Variants in BBX observed in about 807,000 individuals in gnomAD.
The protein encoded by BBX is BBX high mobility group box domain containing.
BBX carries 30 observed loss-of-function variants against 100.2 expected under a neutral mutation model. The observed-to-expected ratio is 0.30, with a 90% CI of 0.22 to 0.41. BBX has a LOEUF of 0.41. Among genes scored for constraint, BBX ranks in the 10% least tolerant of loss-of-function variants. The pLI, the probability that BBX is intolerant of heterozygous loss-of-function variation, is 1.00. For synonymous variants in BBX, 376 were observed against 388.1 expected (o/e 0.97, Z 0.37); for missense variants, 1,023 against 1,129.8 (o/e 0.91, Z 1.35).
intron 2 of BBX, among the ~76,000 whole-genome samples, chr3:107,567,651 C>T (rs573596351): frequency 6.3e-4 from 96 of 152,132 alleles, no homozygotes; most frequent in African/African-American, 2.2e-3. Context: ...GTATCTTTTA[C>T]GGATATGGAC....
intron 3 of BBX, among the ~76,000 whole-genome samples, chr3:107,682,546 A>G (rs2059622587): frequency 6.6e-6 from 1 of 152,168 alleles, no homozygotes; most frequent in Admixed American, 6.6e-5. Context: ...GAAATGAGAT[A>G]AAACAGTATT....
chr3:107,775,543 A>C (rs565381554), intron 12 of BBX, among the ~76,000 whole-genome samples: 1 of 152,194 alleles, frequency 6.6e-6, no homozygotes, highest in Non-Finnish European at 1.5e-5. Flanking sequence ...CTGCATATTC[A>C]GTTAGACTAT....
Position 107,791,101 on chromosome 3 carries a change from TTAAG to T in BBX, c.2294-135_2294-132del, listed in dbSNP as rs2068972445. The T allele has an allele frequency of 2.3e-5, 14 of 608,172 alleles. No individual in the cohort carries two copies. In the South Asian group the frequency reaches 3.5e-4, roughly 15 times the overall value. The allele number at this position is 608,172 out of a possible 1,614,324, so 37.7% of individuals were successfully genotyped here. A position where few individuals can be genotyped will look rare whatever the true frequency, so the allele number is the denominator to read the frequency against. On this transcript the variant is annotated intron_variant, in intron 14 of 17. Transcript: ENST00000325805. The stretch of plus-strand genomic sequence containing the variant: ...TAGTTGGCAAATACCATTTTAAGAA[TTAAG>T]TAATTGACATAAAATTCAGCTTTAT...
At chr3:107,801,363 G>C in intron 17 of BBX, 82 bp downstream of exon 17, 1 of 1,462,566 alleles carries the variant, frequency 6.8e-7, no homozygotes, top group African/African-American at 1.4e-5. Context: ...TTTTTTACAG[G>C]GCATTGGGGT....
intron 2 of BBX, 50 bp downstream of exon 2, chr3:107,526,448 G>T: frequency 2.5e-6 from 1 of 398,298 alleles, no homozygotes; most frequent in South Asian, 1.3e-4. Context: ...AATTAGTAAT[G>T]ACATAAGGGT....
At chr3:107,562,493 CATTTT>C (rs1292074068) in intron 2 of BBX, among the ~76,000 whole-genome samples, 1 of 151,860 alleles carries the variant, frequency 6.6e-6, no homozygotes, top group African/African-American at 2.4e-5. Flanking sequence ...TGGAATATCT[CATTTT>C]ATGTAGTAAT....
At chr3:107,701,815 T>TAA (rs60516191) in intron 3 of BBX, among the ~76,000 whole-genome samples, 36,876 of 148,258 alleles carry the variant, frequency 0.25, 5,354 homozygotes, top group South Asian at 0.36. Context: ...TTCTCATCTG[T>TAA]AAAAAAAAAA....
In BBX at chr3:107,781,626, T is replaced by C. The variant is rs1289618141; in HGVS notation, c.2203+3107T>C. Among the ~76,000 whole-genome samples, 3 of 152,252 alleles carry C rather than the reference T, an allele frequency of 2.0e-5. No individual in the cohort carries two copies. The East Asian group carries it at 5.8e-4, about 29-fold the overall frequency. ...GTACTGATAATGTATGAAGCATTGT[T>C]TACGAAAGTATTAGAAGTCAGTTCT... On this transcript the variant is annotated intron_variant, in intron 13 of 17. Transcript: ENST00000325805.
At chr3:107,779,669 A>G (rs1481306541) in intron 13 of BBX, among the ~76,000 whole-genome samples, 1 of 152,288 alleles carries the variant, frequency 6.6e-6, no homozygotes, top group South Asian at 2.1e-4. Flanking sequence ...TCAGATATAA[A>G]TATTAACAAA....
At chr3:107,675,529 C>T (rs1170484632) in intron 3 of BBX, among the ~76,000 whole-genome samples, 2 of 152,134 alleles carry the variant, frequency 1.3e-5, no homozygotes, top group African/African-American at 2.4e-5. Context: ...TGCTTTGCCC[C>T]TCTCTTCTCA....
In BBX at chr3:107,584,104, T is replaced by TAA. The variant is rs2052573174; in HGVS notation, c.-84+57706_-84+57707insAA. Among the ~76,000 whole-genome samples the TAA allele has an allele frequency of 5.8e-4, 6 of 10,368 alleles. 1 individual carries two copies. The South Asian group carries it at 6.5e-3, about 11-fold the overall frequency. The allele number at this position is 10,368 out of a possible 152,430, so 6.8% of individuals were successfully genotyped here. A position where few individuals can be genotyped will look rare whatever the true frequency, so the allele number is the denominator to read the frequency against. ...TTATATATATCATATATTATATATA[T>TAA]TATATATTATATATAATATATATAT... On this transcript the variant is annotated intron_variant, in intron 2 of 17. Transcript: ENST00000325805.
intron 2 of BBX, among the ~76,000 whole-genome samples, chr3:107,552,820 A>T (rs993730990): frequency 1.3e-5 from 2 of 152,194 alleles, no homozygotes; most frequent in African/African-American, 4.8e-5. Context: ...GCACAGATAT[A>T]TTTCAGCTAG....
chr3:107,655,748 T>A (rs1378283586), intron 3 of BBX, among the ~76,000 whole-genome samples: 1 of 151,688 alleles, frequency 6.6e-6, no homozygotes, highest in African/African-American at 2.4e-5. Flanking sequence ...TCCCCCAGGC[T>A]GGAATGCAGT....
chr3:107,800,183 G>A (rs1559796248), intron 16 of BBX, among the ~76,000 whole-genome samples: 1 of 152,210 alleles, frequency 6.6e-6, no homozygotes. Flanking sequence ...TACAATAGAA[G>A]TAGAATGAGG....
chr3:107,672,419 G>A (rs575951073), intron 3 of BBX, among the ~76,000 whole-genome samples: 10 of 152,080 alleles, frequency 6.6e-5, no homozygotes, highest in South Asian at 6.2e-4. Flanking sequence ...TCAAGCATAA[G>A]TTGAGTATGG....
intron 14 of BBX, 45 bp downstream of exon 14, chr3:107,789,921 C>A: frequency 7.1e-7 from 1 of 1,405,730 alleles, no homozygotes. Context: ...TGGTCACCTC[C>A]ATTGTGATTC....
intron 3 of BBX, among the ~76,000 whole-genome samples, chr3:107,701,815 T>TA (rs60516191): frequency 0.2 from 30,012 of 148,204 alleles, 4,939 homozygotes; most frequent in African/African-American, 0.46. Flanking sequence ...TTCTCATCTG[T>TA]AAAAAAAAAA....
chr3:107,779,149 G>A (rs2107831954), intron 13 of BBX, among the ~76,000 whole-genome samples: 1 of 151,486 alleles, frequency 6.6e-6, no homozygotes, highest in Non-Finnish European at 1.5e-5. Context: ...TTATCAGCAT[G>A]ACTTGGATGG....
intron 3 of BBX, among the ~76,000 whole-genome samples, chr3:107,699,826 C>G (rs989678737): frequency 6.6e-6 from 1 of 151,868 alleles, no homozygotes; most frequent in African/African-American, 2.4e-5. Flanking sequence ...GATATTTTCT[C>G]GAGAGGATAG....
Sources: allele counts gnomAD v4.1 joint callset (sites outside exome capture counted in the v4.1 genomes callset), GRCh38; gene constraint gnomAD v4.1.1; transcripts MANE v1.5; gene names NCBI Gene and HGNC (gene_info 2026-07-23, HGNC 2026-07-21).